The following ACVR2A variants were observed in gnomAD, a reference collection of about 807,000 sequenced individuals.
ACVR2A encodes the protein activin A receptor type 2A.
ACVR2A carries 7 observed loss-of-function variants against 61.4 expected under a neutral mutation model. That is an observed-to-expected ratio of 0.11 (90% confidence interval 0.06 to 0.21). The LOEUF (loss-of-function observed/expected upper bound fraction) is 0.21, where lower values mean the gene tolerates loss of function less well. Ranked by LOEUF, ACVR2A falls within the 10% of genes least tolerant of loss-of-function variation. The probability of loss-of-function intolerance (pLI) is 1.00; values close to 1 mark genes in which losing one functional copy is unlikely to be tolerated. For missense variants in ACVR2A, 322 were observed against 621.7 expected, an observed-to-expected ratio of 0.52 and a Z score of 5.13; for synonymous variants, 193 against 208.3, an observed-to-expected ratio of 0.93 and a Z score of 0.63.
At chr2:147,903,252 T>G (rs909602055) in intron 4 of ACVR2A, among the ~76,000 whole-genome samples, 1 of 131,434 alleles carries the variant, frequency 7.6e-6, no homozygotes, top group Non-Finnish European at 1.7e-5. Context: ...TTTCTGGTCG[T>G]TTTTTTTTTT....
intron 1 of ACVR2A, among the ~76,000 whole-genome samples, chr2:147,894,776 C>T (rs944745395): frequency 2.0e-5 from 3 of 152,106 alleles, no homozygotes; most frequent in South Asian, 2.1e-4. Context: ...CTTGAAGTCA[C>T]AGGTTCACTT....
intron 1 of ACVR2A, among the ~76,000 whole-genome samples, chr2:147,863,586 A>G (rs1685781221): frequency 6.6e-6 from 1 of 152,212 alleles, no homozygotes; most frequent in Non-Finnish European, 1.5e-5. Context: ...TATTCTTACA[A>G]TAAGGAAGCT....
intron 2 of ACVR2A, 160 bp from the exon 3 acceptor site, chr2:147,899,298 C>T: frequency 2.2e-6 from 1 of 463,832 alleles, no homozygotes; most frequent in Non-Finnish European, 3.6e-6. Context: ...AACAGGAATC[C>T]AGGAACATTT....
intron 7 of ACVR2A, among the ~76,000 whole-genome samples, chr2:147,919,847 TA>T (rs1481189599): frequency 8.5e-5 from 13 of 152,200 alleles, no homozygotes; most frequent in Admixed American, 8.5e-4. Flanking sequence ...AGCTATTTTT[TA>T]AAAGTTTCTT....
intron 1 of ACVR2A, among the ~76,000 whole-genome samples, chr2:147,852,975 A>C (rs921598436): frequency 8.6e-5 from 13 of 152,046 alleles, no homozygotes; most frequent in Non-Finnish European, 1.6e-4. Context: ...AATGAAAAGT[A>C]ATTAAAACTG....
Position 147,929,586 on chromosome 2 carries a change from A to G in ACVR2A, c.*2312A>G, listed in dbSNP as rs971789766. 5 of 152,420 alleles carry G rather than the reference A, an allele frequency of 3.3e-5. No homozygotes were observed. The highest frequency in any genetic ancestry group is 7.2e-5 in the African/African-American group (3 of 41,392). 9.4% of individuals were successfully genotyped at this position (152,420 alleles called of 1,614,324 possible). A position where few individuals can be genotyped will look rare whatever the true frequency, so the allele number is the denominator to read the frequency against. Reference sequence around the variant, plus strand: ...ACTATTATTAATAGAAAAACTTTTTATAAGCAGTAAAATAAGAATGTTCCA... The same window carrying G: ...ACTATTATTAATAGAAAAACTTTTTGTAAGCAGTAAAATAAGAATGTTCCA... On this transcript the variant is annotated 3_prime_UTR_variant, in exon 11 of 11. Transcript: ENST00000241416.
At chr2:147,866,405 T>G (rs1411343777) in intron 1 of ACVR2A, among the ~76,000 whole-genome samples, 2 of 152,212 alleles carry the variant, frequency 1.3e-5, no homozygotes, top group African/African-American at 4.8e-5. Context: ...GGGCCTGAGG[T>G]TCCGCATTTC....
intron 1 of ACVR2A, among the ~76,000 whole-genome samples, chr2:147,864,615 G>A (rs757235044): frequency 6.6e-6 from 1 of 152,078 alleles, no homozygotes; most frequent in Non-Finnish European, 1.5e-5. Flanking sequence ...TCTTATCTGT[G>A]TTTTTTAGGC....
intron 1 of ACVR2A, among the ~76,000 whole-genome samples, chr2:147,862,582 A>G (rs1303623922): frequency 6.6e-6 from 1 of 152,066 alleles, no homozygotes; most frequent in African/African-American, 2.4e-5. Context: ...CGTCTTTACT[A>G]AAAATATGAA....
At chr2:147,889,366 G>A (rs368172753) in intron 1 of ACVR2A, among the ~76,000 whole-genome samples, 1 of 152,066 alleles carries the variant, frequency 6.6e-6, no homozygotes, top group Non-Finnish European at 1.5e-5. Flanking sequence ...TATAAAATTG[G>A]TGTTGATATA....
intron 1 of ACVR2A, among the ~76,000 whole-genome samples, chr2:147,854,157 A>G (rs1264658671): frequency 1.3e-5 from 2 of 152,182 alleles, no homozygotes; most frequent in African/African-American, 4.8e-5. Flanking sequence ...ACTCTGACTA[A>G]ATGATACAGC....
Position 147,927,450 on chromosome 2 carries a change from C to T in ACVR2A, c.*176C>T. Reference sequence around the variant, plus strand: ...TCTGGGAGACTTACTGCATTGCCGACAGCACAGATGTGAAGGACATGAGAC... The same window carrying T: ...TCTGGGAGACTTACTGCATTGCCGATAGCACAGATGTGAAGGACATGAGAC... On this transcript the variant is annotated 3_prime_UTR_variant, in exon 11 of 11. Coordinates refer to ENST00000241416, the MANE Select transcript of ACVR2A (RefSeq NM_001616.5). 1.7e-6 allele frequency: 1 copy of T among 590,972 alleles called. No homozygotes were observed. The highest frequency in any genetic ancestry group is 2.8e-6 in the Non-Finnish European group (1 of 351,886). 36.6% of individuals were successfully genotyped at this position (590,972 alleles called of 1,614,324 possible).
chr2:147,848,777 A>C (rs901351789), intron 1 of ACVR2A, among the ~76,000 whole-genome samples: 1 of 152,134 alleles, frequency 6.6e-6, no homozygotes, highest in African/African-American at 2.4e-5. Flanking sequence ...TACCCATGTA[A>C]CAGACCTTCA....
At chr2:147,886,822 T>G (rs1034473090) in intron 1 of ACVR2A, among the ~76,000 whole-genome samples, 3 of 151,518 alleles carry the variant, frequency 2.0e-5, no homozygotes, top group Non-Finnish European at 4.4e-5. Flanking sequence ...AATTCAAAGC[T>G]GCAGACCCCA....
intron 1 of ACVR2A, 150 bp downstream of exon 1, chr2:147,845,357 C>CCCCG: frequency 1.7e-5 from 9 of 536,258 alleles, no homozygotes; most frequent in East Asian, 7.1e-5. Flanking sequence ...CGCCCCCCCC[C>CCCCG]CCCGCCCCCA....
intron 1 of ACVR2A, among the ~76,000 whole-genome samples, chr2:147,857,008 GC>G (rs1441728657): frequency 1.3e-5 from 2 of 152,102 alleles, no homozygotes; most frequent in Non-Finnish European, 2.9e-5. Context: ...AAATTAGCAA[GC>G]TTTTACTGCT....
At chr2:147,850,709 G>A (rs1685423799) in intron 1 of ACVR2A, among the ~76,000 whole-genome samples, 1 of 152,024 alleles carries the variant, frequency 6.6e-6, no homozygotes, top group South Asian at 2.1e-4. Flanking sequence ...ATAGAGGAAG[G>A]AGGAGGAGGA....
intron 1 of ACVR2A, among the ~76,000 whole-genome samples, chr2:147,893,419 C>T (rs1686639246): frequency 6.6e-6 from 1 of 152,036 alleles, no homozygotes; most frequent in African/African-American, 2.4e-5. Flanking sequence ...GGTAGTATGG[C>T]TGGTGTATGT....
intron 1 of ACVR2A, among the ~76,000 whole-genome samples, chr2:147,860,047 A>C (rs374380949): frequency 6.6e-6 from 1 of 152,198 alleles, no homozygotes; most frequent in Non-Finnish European, 1.5e-5. Flanking sequence ...GTGATAGGAC[A>C]GGGCCACTGA....
Sources: gnomAD v4.1 joint callset for allele counts (sites outside exome capture counted in the v4.1 genomes callset) on GRCh38, gnomAD v4.1.1 for gene constraint, MANE v1.5 for transcripts, NCBI Gene and HGNC (gene_info 2026-07-23, HGNC 2026-07-21) for gene names.